Variants in LYPD6 observed in about 807,000 individuals in gnomAD.
LYPD6 encodes the protein ly6/PLAUR domain-containing protein 6.
In LYPD6, 15 loss-of-function variants were observed where a neutral mutation model predicts 22.7. The observed-to-expected ratio is 0.66, with a 90% confidence interval of 0.44 to 1.02. The LOEUF is 1.02. Among genes scored for constraint, LYPD6 ranks in the 50% least tolerant of loss-of-function variants. The pLI, the probability that LYPD6 is intolerant of heterozygous loss-of-function variation, is 0.00. For missense variants in LYPD6, 189 were observed against 208.4 expected (o/e 0.91, Z 0.57); for synonymous variants, 72 against 77.5 (o/e 0.93, Z 0.37).
chr2:149,352,478 G>A (rs780868558), intron 1 of LYPD6, among the ~76,000 whole-genome samples: 3 of 152,178 alleles, frequency 2.0e-5, no homozygotes, highest in Non-Finnish European at 4.4e-5. Flanking sequence ...GAGAGCTTCA[G>A]AAAACACAAC....
intron 1 of LYPD6, among the ~76,000 whole-genome samples, chr2:149,338,287 C>T (rs545732948): frequency 6.6e-6 from 1 of 152,284 alleles, no homozygotes; most frequent in East Asian, 1.9e-4. Context: ...TATAAGAGTT[C>T]CCTTTTCTCT....
chr2:149,402,256 G>A (rs1474486106), intron 1 of LYPD6, among the ~76,000 whole-genome samples: 6 of 151,958 alleles, frequency 3.9e-5, no homozygotes, highest in Admixed American at 3.9e-4. Context: ...GTGTGTGTGT[G>A]TGTATTACAT....
At chr2:149,385,318 C>A (rs1391238244) in intron 1 of LYPD6, among the ~76,000 whole-genome samples, 1 of 152,116 alleles carries the variant, frequency 6.6e-6, no homozygotes, top group South Asian at 2.1e-4. Flanking sequence ...AGAGCAGAAG[C>A]GTCTGAAAGG....
intron 1 of LYPD6, among the ~76,000 whole-genome samples, chr2:149,414,526 AAAT>A (rs1361899429): frequency 6.6e-6 from 1 of 152,234 alleles, no homozygotes; most frequent in Non-Finnish European, 1.5e-5. Flanking sequence ...AAATCGCCTC[AAAT>A]AATATAAAAT....
At chr2:149,332,531 T>C (rs1252560260) in intron 1 of LYPD6, among the ~76,000 whole-genome samples, 2 of 152,242 alleles carry the variant, frequency 1.3e-5, no homozygotes, top group African/African-American at 4.8e-5. Flanking sequence ...TCTGAGGAAA[T>C]CATATCTTTA....
At chr2:149,465,638 T>C (rs954659223) in intron 3 of LYPD6, among the ~76,000 whole-genome samples, 3 of 152,212 alleles carry the variant, frequency 2.0e-5, no homozygotes. Context: ...CTTATGTATG[T>C]TTTGTTTAAA....
At chr2:149,359,669 A>G (rs568228283) in intron 1 of LYPD6, among the ~76,000 whole-genome samples, 1 of 152,356 alleles carries the variant, frequency 6.6e-6, no homozygotes, top group East Asian at 1.9e-4. Context: ...TCTCTCAGAC[A>G]TGTAGATGGC....
intron 2 of LYPD6, among the ~76,000 whole-genome samples, chr2:149,441,818 A>G (rs1683573382): frequency 6.6e-6 from 1 of 152,216 alleles, no homozygotes. Flanking sequence ...GCTGCGACCT[A>G]TTCTTAGCCT....
intron 1 of LYPD6, among the ~76,000 whole-genome samples, chr2:149,391,460 T>A (rs200277117): frequency 6.7e-6 from 1 of 149,464 alleles, no homozygotes. Flanking sequence ...TGCTTGTGGG[T>A]TTTTTTTTTC....
intron 3 of LYPD6, among the ~76,000 whole-genome samples, chr2:149,452,870 G>A (rs1454782281): frequency 2.6e-5 from 4 of 152,138 alleles, no homozygotes; most frequent in African/African-American, 9.7e-5. Context: ...TGGCAGTGGC[G>A]GCATCAGCTG....
At chr2:149,459,847 A>T (rs982324775) in intron 3 of LYPD6, among the ~76,000 whole-genome samples, 1 of 151,792 alleles carries the variant, frequency 6.6e-6, no homozygotes, top group Non-Finnish European at 1.5e-5. Flanking sequence ...GGTTACAGTG[A>T]GCCAAGATCA....
chr2:149,348,339 C>T (rs192661112), intron 1 of LYPD6, among the ~76,000 whole-genome samples: 3 of 151,522 alleles, frequency 2.0e-5, no homozygotes, highest in African/African-American at 2.4e-5. Context: ...GTATGTTAGG[C>T]GGTGGTAAGT....
intron 1 of LYPD6, among the ~76,000 whole-genome samples, chr2:149,414,051 C>A (rs1474333579): frequency 6.6e-6 from 1 of 152,126 alleles, no homozygotes; most frequent in African/African-American, 2.4e-5. Flanking sequence ...TTCCCTAGAA[C>A]TAGTTGGTGT....
intron 1 of LYPD6, among the ~76,000 whole-genome samples, chr2:149,362,033 G>A (rs1026598465): frequency 6.6e-6 from 1 of 152,126 alleles, no homozygotes; most frequent in African/African-American, 2.4e-5. Flanking sequence ...AAAAGGCAAG[G>A]AAGCTCATTC....
rs377032966 is a variant in LYPD6, at chr2:149,388,509, T to C, written c.-71-49129T>C. On this transcript the variant is annotated intron_variant, in intron 1 of 4. Transcript: ENST00000334166. ...AAGAAGACTGAGAAGCACTGGGCTC[T>C]GTTGTTGAGCAAAGCCAAGCACAAG... 5.4e-4 allele frequency among the ~76,000 whole-genome samples: 82 copies of C among 152,256 alleles called. No individual in the cohort carries two copies. In the East Asian group the frequency reaches 9.1e-3, roughly 17 times the overall value.
At chr2:149,432,466 A>G (rs1384364776) in intron 1 of LYPD6, among the ~76,000 whole-genome samples, 2 of 152,188 alleles carry the variant, frequency 1.3e-5, no homozygotes, top group East Asian at 1.9e-4. Context: ...ACACTGGGTT[A>G]TGGCCCTCCA....
At chr2:149,366,247 A>T (rs1484282420) in intron 1 of LYPD6, among the ~76,000 whole-genome samples, 1 of 152,140 alleles carries the variant, frequency 6.6e-6, no homozygotes, top group Non-Finnish European at 1.5e-5. Flanking sequence ...CTCTGGGCTG[A>T]ACTTTTAGAT....
At chr2:149,353,307 A>G (rs1280740821) in intron 1 of LYPD6, among the ~76,000 whole-genome samples, 31 of 152,252 alleles carry the variant, frequency 2.0e-4, no homozygotes. Context: ...TGTAGGATGT[A>G]AGAAATGATG....
intron 1 of LYPD6, among the ~76,000 whole-genome samples, chr2:149,426,385 C>T (rs1683189599): frequency 6.6e-6 from 1 of 152,192 alleles, no homozygotes; most frequent in Non-Finnish European, 1.5e-5. Context: ...TGGTTCTTCC[C>T]AGTCTTGAGT....
Sources: gnomAD v4.1 joint callset for allele counts (sites outside exome capture counted in the v4.1 genomes callset) on GRCh38, gnomAD v4.1.1 for gene constraint, MANE v1.5 for transcripts, NCBI Gene and HGNC (gene_info 2026-07-23, HGNC 2026-07-21) for gene names.